The following ITCH variants were observed in gnomAD, a reference collection of about 807,000 sequenced individuals.
ITCH encodes the protein E3 ubiquitin-protein ligase Itchy homolog.
ITCH carries 28 observed loss-of-function variants against 126.8 expected under a neutral mutation model. The ratio of observed to expected loss-of-function variants is 0.22; its 90% CI spans 0.16 to 0.30. ITCH has a LOEUF of 0.30. Among genes scored for constraint, ITCH ranks in the 10% least tolerant of loss-of-function variants. The pLI is 1.00. For synonymous variants in ITCH, 342 were observed against 340.0 expected (o/e 1.01, Z -0.06); for missense variants, 631 against 1,032.4 (o/e 0.61, Z 5.33).
chr20:34,467,678 A>T (rs1344208382), intron 14 of ITCH, among the ~76,000 whole-genome samples: 56 of 98,056 alleles, frequency 5.7e-4, no homozygotes, highest in East Asian at 1.5e-3. Flanking sequence ...TTTCTTTTTC[A>T]TTTTTTTTTT....
At chr20:34,451,158 C>T (rs1356045824) in intron 12 of ITCH, among the ~76,000 whole-genome samples, 1 of 152,034 alleles carries the variant, frequency 6.6e-6, no homozygotes, top group Admixed American at 6.6e-5. Context: ...GGCTTGGTGG[C>T]CCGTGCCTGT....
At chr20:34,463,096 C>T (rs1284708859) in intron 14 of ITCH, among the ~76,000 whole-genome samples, 1 of 152,212 alleles carries the variant, frequency 6.6e-6, no homozygotes, top group Non-Finnish European at 1.5e-5. Flanking sequence ...GGCGCAGTGG[C>T]TCATGCCTGT....
At chr20:34,377,112 A>G (rs999208428) in intron 2 of ITCH, among the ~76,000 whole-genome samples, 2 of 152,116 alleles carry the variant, frequency 1.3e-5, no homozygotes, top group Non-Finnish European at 2.9e-5. Context: ...GGTGGCTCAC[A>G]CCTGTAATCC....
At chr20:34,388,593 T>C (rs2038374680) in intron 2 of ITCH, among the ~76,000 whole-genome samples, 1 of 152,130 alleles carries the variant, frequency 6.6e-6, no homozygotes, top group African/African-American at 2.4e-5. Context: ...TGCTCTCACA[T>C]ATCTGTCCAA....
intron 13 of ITCH, among the ~76,000 whole-genome samples, chr20:34,459,662 T>G (rs1006050240): frequency 4.6e-5 from 7 of 152,150 alleles, no homozygotes; most frequent in African/African-American, 1.7e-4. Context: ...GTTCTGAAGG[T>G]ATGGTTTAGG....
intron 2 of ITCH, among the ~76,000 whole-genome samples, chr20:34,380,605 C>CTTTTTT (rs35848431): frequency 4.3e-5 from 3 of 69,246 alleles, no homozygotes; most frequent in African/African-American, 6.0e-5. Flanking sequence ...TTAATGATGT[C>CTTTTTT]TTTTTTTTTT....
At chr20:34,442,021 G>C in intron 9 of ITCH, 187 bp from the exon 10 acceptor site, 1 of 621,952 alleles carries the variant, frequency 1.6e-6, no homozygotes, top group Non-Finnish European at 2.9e-6. Context: ...TGAATTCACT[G>C]TGTGCCACTG....
rs961377073 is a variant in ITCH, at chr20:34,511,486, A to G, written c.*3692A>G. The G allele has an allele frequency of 2.0e-5, 3 of 152,192 alleles. No individual in the cohort carries two copies. Among genetic ancestry groups the G allele is most frequent in the African/African-American group, 7.2e-5 (3 of 41,434 alleles). 9.4% of individuals were successfully genotyped at this position (152,192 alleles called of 1,614,324 possible). A position where few individuals can be genotyped will look rare whatever the true frequency, so the allele number is the denominator to read the frequency against. On this transcript the variant is annotated 3_prime_UTR_variant, in exon 25 of 25. Coordinates refer to ENST00000374864, the MANE Select transcript of ITCH (RefSeq NM_031483.7). ...TGAGACTTATATGTGACCAGGTCAC[A>G]TAGATTTCTGCCTCTCTGCTTTTTT... is the stretch of plus-strand genomic sequence containing the variant.
Position 34,440,654 on chromosome 20 carries a change from T to C in ITCH, c.869+310T>C, listed in dbSNP as rs140902810. On this transcript the variant is annotated intron_variant, in intron 9 of 24. Transcript: ENST00000374864. The stretch of plus-strand genomic sequence containing the variant: ...GTATTTTTAGTAGGGGATTTCACCA[T>C]GTTGGCCAGGCTGGTCTCGAACTCC... Among the ~76,000 whole-genome samples, 267 of 152,146 alleles carry C rather than the reference T, an allele frequency of 1.8e-3. 1 individual carries two copies. Among genetic ancestry groups the C allele is most frequent in the Middle Eastern group, 3.4e-3 (1 of 294 alleles).
chr20:34,423,223 C>T (rs1220220833), intron 6 of ITCH, among the ~76,000 whole-genome samples: 4 of 152,144 alleles, frequency 2.6e-5, no homozygotes, highest in Non-Finnish European at 5.9e-5. Context: ...CATGATATAG[C>T]GTGTTTCATT....
At chr20:34,386,540 T>A (rs1403975719) in intron 2 of ITCH, among the ~76,000 whole-genome samples, 3 of 152,322 alleles carry the variant, frequency 2.0e-5, no homozygotes, top group African/African-American at 7.2e-5. Context: ...ATACTTTAGC[T>A]CTTTGAACTC....
chr20:34,504,206 T>C, intron 23 of ITCH, 125 bp from the exon 24 acceptor site: 1 of 744,206 alleles, frequency 1.3e-6, no homozygotes, highest in East Asian at 2.6e-5. Context: ...AGTAAGATGA[T>C]GTGTGGGGCC....
intron 2 of ITCH, among the ~76,000 whole-genome samples, chr20:34,386,817 CT>C (rs2038299919): frequency 6.6e-6 from 1 of 152,172 alleles, no homozygotes. Context: ...ATGTTTGTTG[CT>C]TAAGAGACAA....
intron 16 of ITCH, among the ~76,000 whole-genome samples, chr20:34,474,363 C>T (rs1029668887): frequency 6.6e-5 from 10 of 152,158 alleles, no homozygotes; most frequent in Non-Finnish European, 1.3e-4. Context: ...GTGGTGATGA[C>T]TCTTAACGAG....
rs191500191 is a variant in ITCH at position 34,492,442 on chromosome 20, G to C, written c.2320-59G>C. ...TTTGAAATCATTATTTTTCTTTCTT[G>C]TTTAGTGTGCTGAATGTAACATATG... On this transcript the variant is annotated intron_variant, in intron 22 of 24. Coordinates refer to ENST00000374864, the MANE Select transcript of ITCH (RefSeq NM_031483.7). The C allele has an allele frequency of 8.5e-6, 9 of 1,059,418 alleles. No homozygotes were observed. The Admixed American group carries it at 8.7e-5, about 10-fold the overall frequency. The allele number at this position is 1,059,418 out of a possible 1,614,324, so 65.6% of individuals were successfully genotyped here.
intron 11 of ITCH, among the ~76,000 whole-genome samples, chr20:34,446,831 T>G (rs1984526508): frequency 2.0e-5 from 3 of 152,250 alleles, no homozygotes; most frequent in East Asian, 3.8e-4. Context: ...GTTCCACAGT[T>G]ACTTTCTCCA....
chr20:34,436,374 T>TG (rs1568938402), intron 7 of ITCH, among the ~76,000 whole-genome samples: 1 of 152,222 alleles, frequency 6.6e-6, no homozygotes, highest in Non-Finnish European at 1.5e-5. Flanking sequence ...TTCTACTCAT[T>TG]GTTATCTGTT....
At chr20:34,476,505 T>C (rs995291920) in intron 16 of ITCH, 4 of 1,176,436 alleles carry the variant, frequency 3.4e-6, no homozygotes, top group Non-Finnish European at 4.2e-6. Flanking sequence ...AAAGGAATTA[T>C]TTAAAGATAG....
At chr20:34,491,016 A>G (rs140782859) in intron 22 of ITCH, among the ~76,000 whole-genome samples, 119 of 152,340 alleles carry the variant, frequency 7.8e-4, no homozygotes, top group African/African-American at 2.6e-3. Flanking sequence ...TAATACCCTT[A>G]TCATAACTTA....
Sources: allele counts gnomAD v4.1 joint callset (sites outside exome capture counted in the v4.1 genomes callset), GRCh38; gene constraint gnomAD v4.1.1; transcripts MANE v1.5; gene names NCBI Gene and HGNC (gene_info 2026-07-23, HGNC 2026-07-21).